GSK3B: variants seen among roughly 807,000 people sequenced by gnomAD.
The protein encoded by GSK3B is glycogen synthase kinase-3 beta.
In GSK3B, 15 loss-of-function variants were observed where a neutral mutation model predicts 56.4. The ratio of observed to expected loss-of-function variants is 0.27; its 90% CI spans 0.18 to 0.41. GSK3B has a LOEUF of 0.41. Among genes scored for constraint, GSK3B ranks in the 10% least tolerant of loss-of-function variants. The pLI is 1.00. For synonymous variants in GSK3B, 181 were observed against 188.9 expected (o/e 0.96, Z 0.34); for missense variants, 300 against 513.4 (o/e 0.58, Z 4.02).
At chr3:120,044,830 A>G (rs1559889234) in intron 1 of GSK3B, among the ~76,000 whole-genome samples, 1 of 152,260 alleles carries the variant, frequency 6.6e-6, no homozygotes, top group Admixed American at 6.5e-5. Context: ...TTGTATTATA[A>G]TGAAAACTCA....
At chr3:119,835,203 G>T (rs1198369111) in intron 10 of GSK3B, among the ~76,000 whole-genome samples, 1 of 152,200 alleles carries the variant, frequency 6.6e-6, no homozygotes, top group Non-Finnish European at 1.5e-5. Flanking sequence ...GAGGACATGG[G>T]GCAATGGGGA....
chr3:119,971,601 A>ATTTTTTTTTT lies in GSK3B; in HGVS notation c.283-24260_283-24251dup, dbSNP rs751790636. On this transcript the variant is annotated intron_variant, in intron 2 of 10. Transcript: ENST00000264235. ...ATTGATACTTAAACTATTTGCAATAATTTTTTTTTTTTTTTTTTTTTTTTT... is the reference window on the plus strand; with the variant it reads ...ATTGATACTTAAACTATTTGCAATAATTTTTTTTTTTTTTTTTTTTTTTTTTTTTTTTTTT... 9.5e-5 allele frequency among the ~76,000 whole-genome samples: 8 copies of ATTTTTTTTTT among 83,854 alleles called. 1 individual carries two copies. The highest frequency in any genetic ancestry group is 4.7e-4 in the South Asian group (1 of 2,114). 55.0% of individuals were successfully genotyped at this position (83,854 alleles called of 152,430 possible). A position where few individuals can be genotyped will look rare whatever the true frequency, so the allele number is the denominator to read the frequency against.
chr3:119,948,296 A>G (rs1362324503), intron 2 of GSK3B, among the ~76,000 whole-genome samples: 1 of 152,172 alleles, frequency 6.6e-6, no homozygotes, highest in Non-Finnish European at 1.5e-5. Context: ...AAGGATGGGG[A>G]TGAGGATGCG....
At chr3:120,055,773 T>C (rs1439108883) in intron 1 of GSK3B, among the ~76,000 whole-genome samples, 2 of 152,122 alleles carry the variant, frequency 1.3e-5, no homozygotes, top group Non-Finnish European at 2.9e-5. Flanking sequence ...AAATGGATCT[T>C]TCAACAAAGA....
At chr3:119,919,714 T>C (rs957184176) in intron 4 of GSK3B, among the ~76,000 whole-genome samples, 1 of 151,998 alleles carries the variant, frequency 6.6e-6, no homozygotes, top group African/African-American at 2.4e-5. Context: ...TGCACAGGGT[T>C]GTTCACTATA....
chr3:120,084,237 T>TTA (rs546611703), intron 1 of GSK3B, among the ~76,000 whole-genome samples: 35 of 152,270 alleles, frequency 2.3e-4, no homozygotes, highest in African/African-American at 8.2e-4. Flanking sequence ...TTTAAATAAA[T>TTA]AATAGTTTTT....
chr3:119,903,038 A>G (rs1367906278), intron 7 of GSK3B, among the ~76,000 whole-genome samples: 1 of 152,162 alleles, frequency 6.6e-6, no homozygotes, highest in African/African-American at 2.4e-5. Flanking sequence ...TTGGGGCTAC[A>G]TTAAACACAC....
At chr3:119,941,782 C>T (rs2057051997) in intron 3 of GSK3B, among the ~76,000 whole-genome samples, 1 of 152,176 alleles carries the variant, frequency 6.6e-6, no homozygotes, top group African/African-American at 2.4e-5. Flanking sequence ...CCTTACAAAA[C>T]CCCTACTGTG....
chr3:119,862,434 T>G (rs1402375484), intron 9 of GSK3B, among the ~76,000 whole-genome samples: 1 of 130,444 alleles, frequency 7.7e-6, no homozygotes, highest in Admixed American at 7.9e-5. Flanking sequence ...AGATGACACA[T>G]TAGTGGGTGC....
At chr3:119,941,034 A>C (rs1387105031) in intron 3 of GSK3B, among the ~76,000 whole-genome samples, 1 of 107,976 alleles carries the variant, frequency 9.3e-6, no homozygotes, top group South Asian at 2.7e-4. Context: ...TTTTTTTTTG[A>C]GATGGAGCTT....
In GSK3B at chr3:119,823,588, G is replaced by T. The variant is rs990023668; in HGVS notation, c.*3200C>A. The T allele has an allele frequency of 1.0e-4, 19 of 185,246 alleles. No individual in the cohort carries two copies. In the East Asian group the frequency reaches 1.7e-3, roughly 16 times the overall value. 11.5% of individuals were successfully genotyped at this position (185,246 alleles called of 1,614,324 possible). A position where few individuals can be genotyped will look rare whatever the true frequency, so the allele number is the denominator to read the frequency against. On this transcript the variant is annotated 3_prime_UTR_variant, in exon 11 of 11. Transcript: ENST00000264235. The stretch of plus-strand genomic sequence containing the variant: ...AGACCCATGGTTAGGGCTTGTGGAA[G>T]AGACGAGCAAAATTTAATCTATTCG...
At chr3:120,017,877 C>T (rs2057840468) in intron 1 of GSK3B, among the ~76,000 whole-genome samples, 1 of 152,186 alleles carries the variant, frequency 6.6e-6, no homozygotes, top group South Asian at 2.1e-4. Flanking sequence ...TTCTACTATA[C>T]TTTGGAAACT....
intron 10 of GSK3B, among the ~76,000 whole-genome samples, chr3:119,839,915 A>G (rs1190354848): frequency 6.6e-6 from 1 of 152,246 alleles, no homozygotes; most frequent in Non-Finnish European, 1.5e-5. Context: ...GATGTAGCTT[A>G]GATGGGTGAT....
intron 1 of GSK3B, among the ~76,000 whole-genome samples, chr3:120,073,217 A>AT (rs2058340263): frequency 2.9e-5 from 4 of 138,080 alleles, no homozygotes; most frequent in East Asian, 2.0e-4. Context: ...TACAAAAAAA[A>AT]TTAAAAAAAA....
intron 3 of GSK3B, among the ~76,000 whole-genome samples, chr3:119,941,419 C>A (rs900195888): frequency 2.0e-5 from 3 of 152,168 alleles, no homozygotes; most frequent in African/African-American, 7.2e-5. Context: ...GAATGTACGT[C>A]CTATGCTAAA....
rs190130323 is a variant in GSK3B at position 119,859,734 on chromosome 3, C to A, written c.1096+3685G>T. 9.2e-5 allele frequency among the ~76,000 whole-genome samples: 14 copies of A among 152,194 alleles called. No individual in the cohort carries two copies. In the East Asian group the frequency reaches 2.3e-3, roughly 25 times the overall value. The stretch of plus-strand genomic sequence containing the variant: ...CTGGAACACCTTTTCTATCTCATCA[C>A]CTGCTTTTCTCGTGTCCAGATACTC... On this transcript the variant is annotated intron_variant, in intron 9 of 10. Coordinates refer to ENST00000264235, the MANE Select transcript of GSK3B (RefSeq NM_001146156.2).
At chr3:120,071,304 T>C (rs565314143) in intron 1 of GSK3B, among the ~76,000 whole-genome samples, 14 of 152,350 alleles carry the variant, frequency 9.2e-5, no homozygotes, top group Non-Finnish European at 1.8e-4. Context: ...TAATTCCATA[T>C]AGTTGAGCTA....
In GSK3B at chr3:119,825,097, G is replaced by A. The variant is rs963649284; in HGVS notation, c.*1691C>T. ...CTTGGAAGGCATGTGGGGAAGGAGC[G>A]GGTAGGAGGGAAAGGCGGCCATCAC... On this transcript the variant is annotated 3_prime_UTR_variant, in exon 11 of 11. Transcript: ENST00000264235. The A allele has an allele frequency of 1.5e-5, 3 of 200,980 alleles. No homozygotes were observed. The highest frequency in any genetic ancestry group is 1.9e-4 in the South Asian group (1 of 5,224). The allele number at this position is 200,980 out of a possible 1,614,324, so 12.4% of individuals were successfully genotyped here. A position where few individuals can be genotyped will look rare whatever the true frequency, so the allele number is the denominator to read the frequency against.
At chr3:119,851,664 G>T (rs1459726253) in intron 9 of GSK3B, among the ~76,000 whole-genome samples, 1 of 152,154 alleles carries the variant, frequency 6.6e-6, no homozygotes, top group Non-Finnish European at 1.5e-5. Context: ...TACTAGCTTT[G>T]AAGGAGCTCA....
Sources: gnomAD v4.1 joint callset for allele counts (sites outside exome capture counted in the v4.1 genomes callset) on GRCh38, gnomAD v4.1.1 for gene constraint, MANE v1.5 for transcripts, NCBI Gene and HGNC (gene_info 2026-07-23, HGNC 2026-07-21) for gene names.